Variants in TMEM117 observed in about 807,000 individuals in gnomAD.
TMEM117 encodes transmembrane protein 117.
A neutral mutation model predicts 52.4 loss-of-function variants in TMEM117; 27 were observed. That is an observed-to-expected ratio of 0.51 (90% confidence interval 0.38 to 0.71). The LOEUF (loss-of-function observed/expected upper bound fraction) is 0.71, where lower values mean the gene tolerates loss of function less well. Ranked by LOEUF, TMEM117 falls within the 30% of genes least tolerant of loss-of-function variation. The pLI, the probability that TMEM117 is intolerant of heterozygous loss-of-function variation, is 0.00. For synonymous variants in TMEM117, 215 were observed against 206.3 expected (o/e 1.04, Z -0.36); for missense variants, 556 against 630.5 (o/e 0.88, Z 1.26).
At chr12:44,303,732 T>G (rs1950870938) in intron 6 of TMEM117, among the ~76,000 whole-genome samples, 1 of 152,234 alleles carries the variant, frequency 6.6e-6, no homozygotes, top group South Asian at 2.1e-4. Context: ...TTTCTTTGCA[T>G]AAGTATTTGA....
At chr12:44,123,860 C>G (rs1037762409) in intron 3 of TMEM117, among the ~76,000 whole-genome samples, 1 of 152,058 alleles carries the variant, frequency 6.6e-6, no homozygotes, top group African/African-American at 2.4e-5. Context: ...GTTCTTTTTG[C>G]TTAGGATTGT....
At chr12:44,318,047 G>T (rs78193884) in intron 6 of TMEM117, among the ~76,000 whole-genome samples, 7,306 of 152,212 alleles carry the variant, frequency 0.048, 361 homozygotes, top group African/African-American at 0.12. Context: ...GAGGGGTGAC[G>T]GCCCGAACTC....
chr12:44,094,596 C>G (rs1207421544), intron 3 of TMEM117, among the ~76,000 whole-genome samples: 1 of 152,096 alleles, frequency 6.6e-6, no homozygotes, highest in Admixed American at 6.6e-5. Context: ...GAGCATAAAT[C>G]AATCGACACA....
At chr12:44,059,957 A>G (rs956550595) in intron 3 of TMEM117, among the ~76,000 whole-genome samples, 4 of 152,246 alleles carry the variant, frequency 2.6e-5, no homozygotes, top group Admixed American at 2.0e-4. Context: ...GAATAGCTGT[A>G]TGATTCTGCT....
At chr12:44,272,824 G>A (rs992719377) in intron 5 of TMEM117, among the ~76,000 whole-genome samples, 4 of 152,098 alleles carry the variant, frequency 2.6e-5, no homozygotes, top group African/African-American at 9.7e-5. Context: ...GATTCCTCAG[G>A]GATCTAGAAC....
At chr12:44,222,368 G>C (rs892917477) in intron 5 of TMEM117, among the ~76,000 whole-genome samples, 8 of 152,164 alleles carry the variant, frequency 5.3e-5, no homozygotes, top group Non-Finnish European at 7.4e-5. Flanking sequence ...GAGAAAAGGA[G>C]GGCATCCAGA....
chr12:44,119,097 C>T (rs1948192280), intron 3 of TMEM117, among the ~76,000 whole-genome samples: 1 of 152,212 alleles, frequency 6.6e-6, no homozygotes, highest in Admixed American at 6.5e-5. Flanking sequence ...TTTACTTATG[C>T]TCCACTTTGA....
At chr12:44,373,532 G>A (rs1951894426) in intron 6 of TMEM117, among the ~76,000 whole-genome samples, 1 of 152,174 alleles carries the variant, frequency 6.6e-6, no homozygotes, top group South Asian at 2.1e-4. Context: ...ACTTGACCTT[G>A]AAATTATGCC....
intron 4 of TMEM117, among the ~76,000 whole-genome samples, chr12:44,185,721 C>T (rs1949267888): frequency 1.3e-5 from 2 of 152,064 alleles, no homozygotes. Context: ...GTGCTCTATT[C>T]TCTGAATCAA....
chr12:44,378,191 A>G (rs577184496), intron 7 of TMEM117, among the ~76,000 whole-genome samples: 1 of 152,324 alleles, frequency 6.6e-6, no homozygotes, highest in African/African-American at 2.4e-5. Flanking sequence ...TCTGACTATA[A>G]GAATGCCTTG....
chr12:44,010,869 A>G (rs1946279092), intron 3 of TMEM117, among the ~76,000 whole-genome samples: 2 of 152,228 alleles, frequency 1.3e-5, no homozygotes, highest in Non-Finnish European at 2.9e-5. Context: ...ACATGAGCAT[A>G]CATAATCAGA....
chr12:44,153,300 G>A (rs964234708), intron 4 of TMEM117, among the ~76,000 whole-genome samples: 10 of 151,958 alleles, frequency 6.6e-5, no homozygotes, highest in Middle Eastern at 3.4e-3. Context: ...TGGTTCCAAA[G>A]TTTTTATTGT....
chr12:44,369,983 G>A (rs1394994980), intron 6 of TMEM117, among the ~76,000 whole-genome samples: 1 of 152,184 alleles, frequency 6.6e-6, no homozygotes, highest in Non-Finnish European at 1.5e-5. Flanking sequence ...TGTCTCTATT[G>A]TTCATCCTTC....
intron 4 of TMEM117, among the ~76,000 whole-genome samples, chr12:44,191,975 G>A (rs897913165): frequency 6.6e-6 from 1 of 152,052 alleles, no homozygotes; most frequent in Admixed American, 6.6e-5. Flanking sequence ...AAAAGGTCAA[G>A]GGATACAAAT....
intron 2 of TMEM117, among the ~76,000 whole-genome samples, chr12:43,883,306 C>T (rs1240456687): frequency 6.6e-6 from 1 of 152,120 alleles, no homozygotes; most frequent in Non-Finnish European, 1.5e-5. Context: ...TCATGTATTT[C>T]TTGTCTTTTT....
intron 2 of TMEM117, among the ~76,000 whole-genome samples, chr12:43,922,596 C>G (rs758907228): frequency 7.9e-5 from 12 of 152,124 alleles, no homozygotes; most frequent in African/African-American, 1.2e-4. Context: ...CTAAAATCAC[C>G]TTTGCTTTGA....
At chr12:43,959,630 C>G (rs1413387064) in intron 3 of TMEM117, among the ~76,000 whole-genome samples, 1 of 152,076 alleles carries the variant, frequency 6.6e-6, no homozygotes, top group African/African-American at 2.4e-5. Flanking sequence ...TATTGCTCTT[C>G]AAGTAATAAG....
At chr12:44,040,470 T>C (rs1356411474) in intron 3 of TMEM117, among the ~76,000 whole-genome samples, 1 of 152,178 alleles carries the variant, frequency 6.6e-6, no homozygotes, top group Non-Finnish European at 1.5e-5. Flanking sequence ...GGAATGCAGC[T>C]AACTTTTATA....
At chr12:44,293,700 C>G (rs531249490) in intron 5 of TMEM117, among the ~76,000 whole-genome samples, 1 of 152,094 alleles carries the variant, frequency 6.6e-6, no homozygotes, top group Admixed American at 6.5e-5. Flanking sequence ...ACTTTTACTC[C>G]CCAGTCAACG....
Sources: gnomAD v4.1 joint callset for allele counts (sites outside exome capture counted in the v4.1 genomes callset) on GRCh38, gnomAD v4.1.1 for gene constraint, MANE v1.5 for transcripts, NCBI Gene and HGNC (gene_info 2026-07-23, HGNC 2026-07-21) for gene names.